Variants in LIPC observed in about 807,000 individuals in gnomAD.
LIPC encodes the protein lipase C, hepatic type.
In LIPC, 44 loss-of-function variants were observed where a neutral mutation model predicts 50.7. The ratio of observed to expected loss-of-function variants is 0.87; its 90% CI spans 0.68 to 1.11. The LOEUF is 1.11. Ranked by LOEUF, LIPC falls within the 50% of genes most tolerant of loss-of-function variation. The pLI is 0.00. For missense variants in LIPC, 697 were observed against 648.2 expected (o/e 1.08, Z -0.82); for synonymous variants, 271 against 256.4 (o/e 1.06, Z -0.54).
At chr15:58,494,944 G>A (rs183395356) in intron 1 of LIPC, 2 of 449,066 alleles carry the variant, frequency 4.5e-6, no homozygotes, top group East Asian at 7.0e-5. Context: ...GCTATCACAG[G>A]TTCCAAAACA....
chr15:58,485,697 G>A (rs1224649444), intron 1 of LIPC, among the ~76,000 whole-genome samples: 3 of 152,228 alleles, frequency 2.0e-5, no homozygotes, highest in Non-Finnish European at 4.4e-5. Flanking sequence ...AGACTACTGA[G>A]AATCAGAGAA....
At chr15:58,539,422 C>T (rs1566943652) in intron 2 of LIPC, among the ~76,000 whole-genome samples, 1 of 152,094 alleles carries the variant, frequency 6.6e-6, no homozygotes, top group Non-Finnish European at 1.5e-5. Flanking sequence ...GCTAAAAATT[C>T]TATTACTATG....
chr15:58,512,915 T>C (rs1443865448), intron 1 of LIPC, among the ~76,000 whole-genome samples: 1 of 147,966 alleles, frequency 6.8e-6, no homozygotes, highest in Non-Finnish European at 1.5e-5. Context: ...GCACAAGACC[T>C]CCGCCTTTCA....
At chr15:58,534,471 G>A (rs1460192677) in intron 1 of LIPC, among the ~76,000 whole-genome samples, 1 of 152,180 alleles carries the variant, frequency 6.6e-6, no homozygotes, top group Non-Finnish European at 1.5e-5. Context: ...CAGTCCTAGA[G>A]GCTGCTGCTC....
chr15:58,539,528 C>T (rs1382957659), intron 2 of LIPC, among the ~76,000 whole-genome samples: 1 of 152,094 alleles, frequency 6.6e-6, no homozygotes, highest in Non-Finnish European at 1.5e-5. Context: ...AGTGTCTAGC[C>T]CACCCATGAT....
intron 1 of LIPC, among the ~76,000 whole-genome samples, chr15:58,472,005 C>T (rs1461153657): frequency 6.6e-6 from 1 of 152,132 alleles, no homozygotes; most frequent in Non-Finnish European, 1.5e-5. Flanking sequence ...TGTGGTGGCT[C>T]ATGCCTGTAA....
chr15:58,508,140 C>T (rs1450743361), intron 1 of LIPC, among the ~76,000 whole-genome samples: 3 of 151,460 alleles, frequency 2.0e-5, no homozygotes, highest in Non-Finnish European at 4.4e-5. Context: ...TGCTTTCTTC[C>T]TTGGTATTTC....
intron 5 of LIPC, among the ~76,000 whole-genome samples, chr15:58,547,263 A>G (rs2140925107): frequency 6.6e-6 from 1 of 152,310 alleles, no homozygotes; most frequent in South Asian, 2.1e-4. Context: ...GGCTCACTGG[A>G]TAACTGCAGA....
intron 1 of LIPC, among the ~76,000 whole-genome samples, chr15:58,470,440 A>AT (rs1894751948): frequency 6.6e-6 from 1 of 152,034 alleles, no homozygotes; most frequent in Non-Finnish European, 1.5e-5. Flanking sequence ...TTAAATAAAA[A>AT]TTTTAATAAA....
intron 1 of LIPC, among the ~76,000 whole-genome samples, chr15:58,499,474 A>T (rs1254682648): frequency 2.0e-5 from 3 of 152,170 alleles, no homozygotes; most frequent in African/African-American, 7.2e-5. Flanking sequence ...TGTTTCCCTG[A>T]AGCAGCTTTC....
intron 1 of LIPC, among the ~76,000 whole-genome samples, chr15:58,449,308 G>C (rs1893818258): frequency 1.3e-5 from 2 of 152,204 alleles, no homozygotes; most frequent in South Asian, 4.1e-4. Context: ...TTGCAAGGAT[G>C]CTCTGCTAAG....
intron 1 of LIPC, among the ~76,000 whole-genome samples, chr15:58,509,345 G>A (rs1402548023): frequency 3.9e-5 from 6 of 152,184 alleles, no homozygotes; most frequent in African/African-American, 1.4e-4. Flanking sequence ...TTCTGAGTCA[G>A]CATAGAATGG....
intron 1 of LIPC, among the ~76,000 whole-genome samples, chr15:58,508,262 C>T (rs1892221781): frequency 6.6e-6 from 1 of 152,026 alleles, no homozygotes; most frequent in East Asian, 1.9e-4. Flanking sequence ...GAGTGAAGAT[C>T]AGAGAGACCC....
chr15:58,528,846 C>T (rs537546813), intron 1 of LIPC, among the ~76,000 whole-genome samples: 49 of 152,318 alleles, frequency 3.2e-4, no homozygotes, highest in Non-Finnish European at 5.0e-4. Flanking sequence ...ACCTGGAGGA[C>T]GGAGTGGCCC....
chr15:58,489,610 C>G (rs1204615381), intron 1 of LIPC, among the ~76,000 whole-genome samples: 2 of 152,160 alleles, frequency 1.3e-5, no homozygotes, highest in African/African-American at 4.8e-5. Context: ...AAAAACAACT[C>G]AAAAGATCCA....
At chr15:58,452,290 C>G (rs1893929750) in intron 1 of LIPC, among the ~76,000 whole-genome samples, 1 of 152,208 alleles carries the variant, frequency 6.6e-6, no homozygotes, top group Non-Finnish European at 1.5e-5. Flanking sequence ...AACGCACCCT[C>G]TGGGTGATTC....
chr15:58,495,465 C>T (rs1214143347), intron 1 of LIPC, among the ~76,000 whole-genome samples: 3 of 152,170 alleles, frequency 2.0e-5, no homozygotes, highest in Admixed American at 1.3e-4. Context: ...GGTGTGAAAC[C>T]AGCAAGGCTT....
intron 1 of LIPC, among the ~76,000 whole-genome samples, chr15:58,449,536 G>A (rs1893827809): frequency 6.6e-6 from 1 of 151,932 alleles, no homozygotes; most frequent in African/African-American, 2.4e-5. Context: ...TGGGAGGAAT[G>A]GGTTTTAAAT....
At position 58,555,099 on chromosome 15, in the gene LIPC, GCTAAAGGGGC is replaced by G. The variant is rs1210055029; in HGVS notation, c.1052-5762_1052-5753del. Among the ~76,000 whole-genome samples the G allele has an allele frequency of 2.0e-5, 3 of 152,352 alleles. No individual in the cohort carries two copies. In the South Asian group the frequency reaches 6.2e-4, roughly 32 times the overall value. ...CAATTCTCATTCATAGGATGTGCAAGCTAAAGGGGCCTTTGCATCCTCTAAAGCTGACTCC... is the reference window on the plus strand; with the variant it reads ...CAATTCTCATTCATAGGATGTGCAAGCTTTGCATCCTCTAAAGCTGACTCC... On this transcript the variant is annotated intron_variant, in intron 6 of 8. Coordinates refer to ENST00000299022, the MANE Select transcript of LIPC (RefSeq NM_000236.3).
Sources: gnomAD v4.1 joint callset for allele counts (sites outside exome capture counted in the v4.1 genomes callset) on GRCh38, gnomAD v4.1.1 for gene constraint, MANE v1.5 for transcripts, NCBI Gene and HGNC (gene_info 2026-07-23, HGNC 2026-07-21) for gene names.